PTPRA: variants seen among roughly 807,000 people sequenced by gnomAD.
PTPRA encodes the protein receptor-type tyrosine-protein phosphatase alpha.
PTPRA carries 25 observed loss-of-function variants against 104.8 expected under a neutral mutation model. The observed-to-expected ratio is 0.24, with a 90% CI of 0.17 to 0.33. The LOEUF (loss-of-function observed/expected upper bound fraction) is 0.33, where lower values mean the gene tolerates loss of function less well. Among genes scored for constraint, PTPRA ranks in the 10% least tolerant of loss-of-function variants. The pLI is 1.00. For synonymous variants in PTPRA, 323 were observed against 368.9 expected, an observed-to-expected ratio of 0.88 and a Z score of 1.43; for missense variants, 765 against 1,015.3, an observed-to-expected ratio of 0.75 and a Z score of 3.35.
intron 10 of PTPRA, among the ~76,000 whole-genome samples, chr20:3,006,021 ATGT>A (rs2063851722): frequency 6.6e-6 from 1 of 151,692 alleles, no homozygotes; most frequent in Non-Finnish European, 1.5e-5. Flanking sequence ...ACCTGTGAAA[ATGT>A]TTTTTTTTTA....
At chr20:3,024,757 C>T (rs1047907560) in intron 17 of PTPRA, 136 bp downstream of exon 17, 5 of 1,060,036 alleles carry the variant, frequency 4.7e-6, no homozygotes, top group Non-Finnish European at 6.8e-6. Flanking sequence ...TGGTCCTTTC[C>T]TCGTACTCTG....
At chr20:3,032,465 T>G (rs2065507494) in intron 20 of PTPRA, among the ~76,000 whole-genome samples, 1 of 152,144 alleles carries the variant, frequency 6.6e-6, no homozygotes, top group Non-Finnish European at 1.5e-5. Context: ...CCAGCAAAAC[T>G]CCTTTAAAGA....
chr20:2,916,710 A>C (rs2059915192), intron 1 of PTPRA, among the ~76,000 whole-genome samples: 2 of 152,128 alleles, frequency 1.3e-5, no homozygotes, highest in Admixed American at 1.3e-4. Flanking sequence ...GTCTCTAAAA[A>C]ATAGAATAAT....
intron 7 of PTPRA, chr20:2,987,831 A>G: frequency 5.7e-6 from 4 of 705,050 alleles, no homozygotes; most frequent in Non-Finnish European, 1.0e-5. Flanking sequence ...CCAGTGTGCC[A>G]AGGGTAAACA....
intron 1 of PTPRA, among the ~76,000 whole-genome samples, chr20:2,878,203 GT>G (rs34922203): frequency 0.64 from 96,981 of 151,910 alleles, 32,592 homozygotes; most frequent in East Asian, 0.86. Flanking sequence ...GACAGCTGTA[GT>G]TTTTTTTAAA....
At chr20:2,985,874 C>T (rs1171063801) in intron 6 of PTPRA, among the ~76,000 whole-genome samples, 4 of 144,668 alleles carry the variant, frequency 2.8e-5, no homozygotes, top group Non-Finnish European at 6.0e-5. Flanking sequence ...CCGCCACACC[C>T]AGCTGTCTCC....
intron 1 of PTPRA, among the ~76,000 whole-genome samples, chr20:2,904,193 A>G (rs994537627): frequency 6.6e-6 from 1 of 152,156 alleles, no homozygotes; most frequent in African/African-American, 2.4e-5. Context: ...GATTACAGTT[A>G]TGAGCCATGG....
intron 3 of PTPRA, 112 bp from the exon 4 acceptor site, chr20:2,964,160 G>T: frequency 1.2e-6 from 1 of 858,736 alleles, no homozygotes; most frequent in Non-Finnish European, 1.9e-6. Flanking sequence ...AAGATCATTG[G>T]TTTAGGCACA....
chr20:2,907,417 C>A (rs2059466970), intron 1 of PTPRA, among the ~76,000 whole-genome samples: 1 of 152,068 alleles, frequency 6.6e-6, no homozygotes, highest in African/African-American at 2.4e-5. Flanking sequence ...ATGGTTAAGC[C>A]CATGGCAGTG....
chr20:2,948,996 TC>T (rs1247550194), intron 3 of PTPRA, among the ~76,000 whole-genome samples: 1 of 151,958 alleles, frequency 6.6e-6, no homozygotes, highest in Non-Finnish European at 1.5e-5. Context: ...TCCCACTATC[TC>T]CCCCTTCTCT....
chr20:2,864,934 G>A, the PTPRA span: 1 of 1,612,256 alleles, frequency 6.2e-7, no homozygotes, highest in Non-Finnish European at 8.5e-7. The surrounding 1 kb of genome is among the most constrained non-coding windows in gnomAD (Gnocchi z 5.2). Flanking sequence ...GAGGGCGAGG[G>A]TCCTGCATGC....
intron 3 of PTPRA, among the ~76,000 whole-genome samples, chr20:2,953,505 A>G (rs1462006539): frequency 9.9e-5 from 15 of 152,022 alleles, no homozygotes; most frequent in Admixed American, 9.8e-4. Context: ...CACCCGCCTC[A>G]GCCTCCCGAA....
At chr20:3,032,690 A>C (rs550325232) in intron 20 of PTPRA, among the ~76,000 whole-genome samples, 19 of 151,314 alleles carry the variant, frequency 1.3e-4, no homozygotes, top group Non-Finnish European at 2.5e-4. Context: ...CGTTTGAACC[A>C]GGGAGCTGAA....
chr20:2,951,450 G>A (rs2061351528), intron 3 of PTPRA, among the ~76,000 whole-genome samples: 1 of 152,160 alleles, frequency 6.6e-6, no homozygotes, highest in Non-Finnish European at 1.5e-5. Context: ...TAGAGACAGT[G>A]AATAACTCAC....
Position 2,883,147 on chromosome 20 carries a change from G to A in PTPRA, c.-129+9387G>A, listed in dbSNP as rs572241677. On this transcript the variant is annotated intron_variant, in intron 1 of 23. Transcript: ENST00000399903. ...CTACAGGCATGCACCACCATGCCCA[G>A]CTAATTTTGCAACCAGTAGGAATAA... Among the ~76,000 whole-genome samples the A allele has an allele frequency of 2.0e-5, 3 of 152,026 alleles. No homozygotes were observed. The East Asian group carries it at 5.8e-4, about 29-fold the overall frequency.
At position 3,024,534 on chromosome 20, in the gene PTPRA, G is replaced by A. The variant is rs2065039069; in HGVS notation, c.1527G>A (p.Leu509=). The change falls in exon 17 of 24, where the codon CTG becomes CTA. Residue 509 remains leucine, a synonymous_variant. Coordinates refer to ENST00000399903, the MANE Select transcript of PTPRA (RefSeq NM_001385305.1). Reference sequence around the variant, plus strand: ...ATTATCTCTATGGAGATACAGAACTGGAAGTGACCTCTCTAGAAACCCACC... The same window carrying A: ...ATTATCTCTATGGAGATACAGAACTAGAAGTGACCTCTCTAGAAACCCACC... ...LEHYLYGDTE[L]EVTSLETHLQ... 2 of 1,613,706 alleles carry A rather than the reference G, an allele frequency of 1.2e-6. No homozygotes were observed. Among genetic ancestry groups the A allele is most frequent in the East Asian group, 4.5e-5 (2 of 44,884 alleles).
chr20:2,985,975 C>T (rs879450807), intron 6 of PTPRA, among the ~76,000 whole-genome samples: 24 of 151,916 alleles, frequency 1.6e-4, no homozygotes, highest in Non-Finnish European at 3.2e-4. Context: ...AGTGTACAGG[C>T]CCGGCTCACT....
At chr20:2,999,931 A>G (rs1291722270) in intron 9 of PTPRA, among the ~76,000 whole-genome samples, 1 of 152,186 alleles carries the variant, frequency 6.6e-6, no homozygotes, top group African/African-American at 2.4e-5. Flanking sequence ...GTAAAAGATA[A>G]CACAGGTAAC....
intron 1 of PTPRA, among the ~76,000 whole-genome samples, chr20:2,907,416 C>T (rs765876124): frequency 9.2e-5 from 14 of 152,046 alleles, no homozygotes; most frequent in African/African-American, 3.4e-4. Flanking sequence ...AATGGTTAAG[C>T]CCATGGCAGT....
Sources: allele counts gnomAD v4.1 joint callset (sites outside exome capture counted in the v4.1 genomes callset), GRCh38; gene constraint gnomAD v4.1.1; non-coding constraint Gnocchi (gnomAD v3.1); transcripts MANE v1.5; gene names NCBI Gene and HGNC (gene_info 2026-07-23, HGNC 2026-07-21).